Variants in COL5A2 observed in about 807,000 individuals in gnomAD.
The protein encoded by COL5A2 is collagen type V alpha 2 chain.
In COL5A2, 23 loss-of-function variants were observed where a neutral mutation model predicts 208.2. That is an observed-to-expected ratio of 0.11 (90% CI 0.08 to 0.16). COL5A2 has a LOEUF of 0.16. Ranked by LOEUF, COL5A2 falls within the 10% of genes least tolerant of loss-of-function variation. COL5A2 has a pLI of 1.00. For synonymous variants in COL5A2, 625 were observed against 628.5 expected (o/e 0.99, Z 0.08); for missense variants, 1,590 against 1,956.4 (o/e 0.81, Z 3.53).
the COL5A2 span, among the ~76,000 whole-genome samples, chr2:189,266,140 A>G: frequency 1.3e-5 from 2 of 152,150 alleles, no homozygotes; most frequent in African/African-American, 4.8e-5. Flanking sequence ...AAAAAGATGT[A>G]AAATAGGCTG....
chr2:189,152,587 T>C (rs1265694408), intron 1 of COL5A2, among the ~76,000 whole-genome samples: 1 of 152,218 alleles, frequency 6.6e-6, no homozygotes, highest in African/African-American at 2.4e-5. Context: ...CTTTCTGTTA[T>C]CCTGGCTCCT....
At chr2:189,405,444 C>A in the COL5A2 span, among the ~76,000 whole-genome samples, 1 of 152,072 alleles carries the variant, frequency 6.6e-6, no homozygotes, top group Admixed American at 6.6e-5. Flanking sequence ...GTTGGTCAGG[C>A]TGGCTCAAAC....
the COL5A2 span, among the ~76,000 whole-genome samples, chr2:189,427,442 A>G: frequency 6.6e-6 from 1 of 152,220 alleles, no homozygotes. Flanking sequence ...TACTAGGACA[A>G]TGCAGAAGGA....
At chr2:189,427,959 A>C in the COL5A2 span, among the ~76,000 whole-genome samples, 1 of 152,154 alleles carries the variant, frequency 6.6e-6, no homozygotes, top group Non-Finnish European at 1.5e-5. Flanking sequence ...CTTTACCCCC[A>C]TTGTATCTTG....
chr2:189,431,637 G>C, the COL5A2 span, among the ~76,000 whole-genome samples: 1 of 152,032 alleles, frequency 6.6e-6, no homozygotes, highest in Admixed American at 6.6e-5. Context: ...GAGAAGACAA[G>C]GTTAGAGAAA....
chr2:189,128,866 C>G (rs533733946), intron 1 of COL5A2, among the ~76,000 whole-genome samples: 4 of 152,028 alleles, frequency 2.6e-5, no homozygotes, highest in Non-Finnish European at 5.9e-5. Flanking sequence ...GGGGCACTTG[C>G]GTCCTTAGGA....
the COL5A2 span, among the ~76,000 whole-genome samples, chr2:189,231,404 A>G: frequency 2.0e-5 from 3 of 151,782 alleles, no homozygotes; most frequent in Admixed American, 6.6e-5. Context: ...ATAAAGAAAG[A>G]GAAAGGTAAG....
chr2:189,229,930 G>A (rs573910343), upstream of COL5A2, among the ~76,000 whole-genome samples: 1 of 151,668 alleles, frequency 6.6e-6, no homozygotes, highest in Non-Finnish European at 1.5e-5. Flanking sequence ...AAAACAAATC[G>A]GCTGTATTAC....
At chr2:189,346,009 A>C in the COL5A2 span, among the ~76,000 whole-genome samples, 1 of 152,140 alleles carries the variant, frequency 6.6e-6, no homozygotes, top group Non-Finnish European at 1.5e-5. Context: ...GTTCTCCAAC[A>C]CTCTTTTCCA....
chr2:189,274,325 T>C, the COL5A2 span, among the ~76,000 whole-genome samples: 1 of 152,104 alleles, frequency 6.6e-6, no homozygotes, highest in East Asian at 1.9e-4. Context: ...ATATTGTACT[T>C]TGGGTATTTT....
chr2:189,439,257 G>T, the COL5A2 span, among the ~76,000 whole-genome samples: 1 of 152,252 alleles, frequency 6.6e-6, no homozygotes, highest in Non-Finnish European at 1.5e-5. Context: ...GTAACATACA[G>T]ATTTTGTTAA....
intron 1 of COL5A2, among the ~76,000 whole-genome samples, chr2:189,222,913 T>C (rs540332735): frequency 1.3e-4 from 20 of 152,256 alleles, no homozygotes; most frequent in African/African-American, 4.8e-4. Context: ...AGCTACTTCA[T>C]ATGAGGCTAA....
chr2:189,212,529 C>A (rs572141995), intron 1 of COL5A2, among the ~76,000 whole-genome samples: 62 of 151,842 alleles, frequency 4.1e-4, no homozygotes, highest in Non-Finnish European at 7.9e-4. Flanking sequence ...ATCCCAGCTA[C>A]TCAGGAGGCT....
At chr2:189,070,580 G>C (rs1163658719) in intron 18 of COL5A2, among the ~76,000 whole-genome samples, 1 of 152,192 alleles carries the variant, frequency 6.6e-6, no homozygotes, top group Non-Finnish European at 1.5e-5. Flanking sequence ...CAGGAGGAGA[G>C]AGAAGTAACC....
At chr2:189,199,081 T>G (rs908369856) in intron 1 of COL5A2, among the ~76,000 whole-genome samples, 3 of 152,190 alleles carry the variant, frequency 2.0e-5, no homozygotes, top group African/African-American at 7.2e-5. Context: ...TTCATATGAT[T>G]ATGTTTATCA....
the COL5A2 span, among the ~76,000 whole-genome samples, chr2:189,374,329 A>T: frequency 6.6e-6 from 1 of 151,940 alleles, no homozygotes; most frequent in East Asian, 1.9e-4. Context: ...TGAGGGAGAA[A>T]TATTCAGATT....
At chr2:189,427,819 C>T in the COL5A2 span, among the ~76,000 whole-genome samples, 4 of 152,190 alleles carry the variant, frequency 2.6e-5, no homozygotes, top group Non-Finnish European at 1.5e-5. Flanking sequence ...CTTTCTTTGG[C>T]TGATTTCTCC....
intron 1 of COL5A2, among the ~76,000 whole-genome samples, chr2:189,219,013 T>C (rs1169577812): frequency 1.3e-5 from 2 of 152,202 alleles, no homozygotes; most frequent in Non-Finnish European, 2.9e-5. Flanking sequence ...CTGTATCTGA[T>C]TTACCTTACC....
chr2:189,034,936 C>T lies in COL5A2; in HGVS notation c.4333G>A (p.Val1445Ile), dbSNP rs762653511. The T allele has an allele frequency of 2.4e-5, 38 of 1,613,818 alleles. No individual in the cohort carries two copies. Among genetic ancestry groups the T allele is most frequent in the East Asian group, 1.6e-4 (7 of 44,826 alleles). ...AEGNIRFRYI[V>I]LQDTCSKRNG... The stretch of plus-strand genomic sequence containing the variant: ...CTTACAGAGCAAGTGTCTTGAAGAA[C>T]GATATACCGGAATCTAATATTTCCC... Residue 1445 changes from valine (V) to isoleucine (I), a missense_variant, in exon 53 of 54, where the codon GTT (valine) becomes ATT (isoleucine). By Grantham distance (29) the Val-to-Ile change is conservative (BLOSUM62 3). Coordinates refer to ENST00000374866, the MANE Select transcript of COL5A2 (RefSeq NM_000393.5).
Sources: allele counts gnomAD v4.1 joint callset (sites outside exome capture counted in the v4.1 genomes callset), GRCh38; gene constraint gnomAD v4.1.1; transcripts MANE v1.5; gene names NCBI Gene and HGNC (gene_info 2026-07-23, HGNC 2026-07-21).